HDX: variants seen among roughly 807,000 people sequenced by gnomAD.
HDX encodes the protein highly divergent homeobox.
In HDX, 19 loss-of-function variants were observed where a neutral mutation model predicts 45.2. The ratio of observed to expected loss-of-function variants is 0.42; its 90% CI spans 0.29 to 0.62. The LOEUF (loss-of-function observed/expected upper bound fraction) is 0.62, where lower values mean the gene tolerates loss of function less well. Among genes scored for constraint, HDX ranks in the 20% least tolerant of loss-of-function variants. The probability of loss-of-function intolerance (pLI) is 0.20; values close to 1 mark genes in which losing one functional copy is unlikely to be tolerated. For missense variants in HDX, 532 were observed against 493.9 expected (o/e 1.08, Z -0.73); for synonymous variants, 188 against 172.8 (o/e 1.09, Z -0.69).
chrX:84,337,465 T>A (rs1351368414), intron 7 of HDX, among the ~76,000 whole-genome samples: 2 of 111,639 alleles, frequency 1.8e-5, no homozygotes, highest in Non-Finnish European at 3.8e-5. Context: ...TTTTGCTTAT[T>A]TGTGTTTAAA....
At chrX:84,474,152 C>A (rs1474984913) in intron 3 of HDX, among the ~76,000 whole-genome samples, 2 of 111,555 alleles carry the variant, frequency 1.8e-5, no homozygotes, top group Admixed American at 1.9e-4. Context: ...ATTAGCCGGG[C>A]GTGGTGGCAG....
intron 6 of HDX, among the ~76,000 whole-genome samples, chrX:84,348,385 C>T (rs2037254529): frequency 9.0e-6 from 1 of 111,447 alleles, no homozygotes; most frequent in African/African-American, 3.3e-5. Context: ...CTACTTTTTC[C>T]ATTAGTGCCC....
intron 5 of HDX, among the ~76,000 whole-genome samples, chrX:84,420,581 G>A (rs985085959): frequency 1.8e-5 from 2 of 111,742 alleles, no homozygotes; most frequent in Admixed American, 9.5e-5. Flanking sequence ...TATTCAATGG[G>A]ACAATAACAG....
intron 5 of HDX, among the ~76,000 whole-genome samples, chrX:84,380,273 C>T (rs1226133003): frequency 9.1e-6 from 1 of 109,756 alleles, no homozygotes; most frequent in Non-Finnish European, 1.9e-5. Context: ...GGTTTCACTG[C>T]TCAATTTTGG....
chrX:84,487,440 C>T (rs1375184497), intron 2 of HDX, among the ~76,000 whole-genome samples: 1 of 112,093 alleles, frequency 8.9e-6, no homozygotes, highest in East Asian at 2.8e-4. Flanking sequence ...AGGCAATCTA[C>T]TATGTCAGAT....
chrX:84,489,595 A>G (rs2040856730), intron 1 of HDX, among the ~76,000 whole-genome samples: 2 of 111,523 alleles, frequency 1.8e-5, no homozygotes, highest in South Asian at 7.5e-4. Context: ...CTGATTTTAC[A>G]AAGAAAGAGT....
intron 5 of HDX, among the ~76,000 whole-genome samples, chrX:84,371,253 C>T (rs1332623042): frequency 4.5e-5 from 5 of 111,803 alleles, no homozygotes; most frequent in African/African-American, 1.3e-4. Context: ...AGCTTATTTT[C>T]ATTATGTTAA....
intron 9 of HDX, among the ~76,000 whole-genome samples, chrX:84,332,328 A>G (rs944686552): frequency 2.7e-5 from 3 of 111,953 alleles, no homozygotes; most frequent in African/African-American, 9.7e-5. Context: ...AAAATCCCTA[A>G]TGGGGTAGTG....
Position 84,321,885 on chromosome X carries a change from G to T in HDX, c.*4C>A. The T allele has an allele frequency of 8.4e-7, 1 of 1,187,619 alleles. No homozygotes were observed. The highest frequency in any genetic ancestry group is 1.8e-5 in the African/African-American group (1 of 56,796). The stretch of plus-strand genomic sequence containing the variant: ...ACTGTATCATATATTCCCTCCAACT[G>T]AAATCACAAACTTTCTGAGACATTT... On this transcript the variant is annotated 3_prime_UTR_variant, in exon 11 of 11. Coordinates refer to ENST00000373177, the MANE Select transcript of HDX (RefSeq NM_001177479.2).
Position 84,448,575 on chromosome X carries a change from A to G in HDX, c.1252-7990T>C, listed in dbSNP as rs146310245. Among the ~76,000 whole-genome samples, 17 of 111,137 alleles carry G rather than the reference A, an allele frequency of 1.5e-4. No homozygotes were observed. The East Asian group carries it at 4.3e-3, about 28-fold the overall frequency. On this transcript the variant is annotated intron_variant, in intron 4 of 10. Coordinates refer to ENST00000373177, the MANE Select transcript of HDX (RefSeq NM_001177479.2). ...GAGGAAATCATGCAAGGACTATGCT[A>G]ATGGACACACCGAGAATGAAAGCCA...
intron 4 of HDX, among the ~76,000 whole-genome samples, chrX:84,443,033 C>A (rs1245284400): frequency 6.3e-5 from 7 of 111,254 alleles, no homozygotes; most frequent in Non-Finnish European, 1.1e-4. Context: ...ACATAGTATG[C>A]AAATATTATA....
intron 4 of HDX, among the ~76,000 whole-genome samples, chrX:84,460,385 A>G (rs1350524640): frequency 8.9e-6 from 1 of 112,434 alleles, no homozygotes; most frequent in Non-Finnish European, 1.9e-5. Context: ...AGATGGTTAA[A>G]CTTATGCAAA....
chrX:84,474,456 G>A (rs1369208626), intron 3 of HDX, among the ~76,000 whole-genome samples: 2 of 111,643 alleles, frequency 1.8e-5, no homozygotes, highest in Non-Finnish European at 3.8e-5. Flanking sequence ...GGTCTTTGAA[G>A]GTACATCGAA....
chrX:84,351,213 G>A (rs952625077), intron 6 of HDX, among the ~76,000 whole-genome samples: 5 of 110,920 alleles, frequency 4.5e-5, no homozygotes, highest in African/African-American at 1.6e-4. Flanking sequence ...CCAATGAGGA[G>A]GAGGAAGGGC....
At chrX:84,367,810 A>G (rs879947743) in intron 5 of HDX, among the ~76,000 whole-genome samples, 1 of 111,507 alleles carries the variant, frequency 9.0e-6, no homozygotes, top group African/African-American at 3.3e-5. Flanking sequence ...ATGAGAACAC[A>G]TGGACACAGG....
intron 5 of HDX, among the ~76,000 whole-genome samples, chrX:84,428,638 T>A (rs1388602674): frequency 9.0e-6 from 1 of 111,244 alleles, no homozygotes; most frequent in Non-Finnish European, 1.9e-5. Flanking sequence ...TTTCCATAGA[T>A]GTATTTTAAC....
At chrX:84,333,270 T>A (rs749247603) in intron 9 of HDX, among the ~76,000 whole-genome samples, 1 of 111,522 alleles carries the variant, frequency 9.0e-6, no homozygotes, top group African/African-American at 3.2e-5. Flanking sequence ...ATAAATGACA[T>A]TAAGAAAAGG....
chrX:84,407,363 A>G (rs759190076), intron 5 of HDX, among the ~76,000 whole-genome samples: 2 of 111,317 alleles, frequency 1.8e-5, no homozygotes, highest in Admixed American at 1.9e-4. Flanking sequence ...CTCTAACTCC[A>G]TTCATGTTGG....
At position 84,344,467 on chromosome X, in the gene HDX, A is replaced by G; in HGVS notation, c.1453-10T>C. Reference sequence around the variant, plus strand: ...GATTCCCAATCCAAGTCTTTATAAGAGAAATATAGGAGGAATTTTTGTAAA... The same window carrying G: ...GATTCCCAATCCAAGTCTTTATAAGGGAAATATAGGAGGAATTTTTGTAAA... On this transcript the variant is annotated splice_polypyrimidine_tract_variant and intron_variant, in intron 6 of 10. Transcript: ENST00000373177. The G allele has an allele frequency of 8.7e-7, 1 of 1,152,258 alleles. No individual in the cohort carries two copies. Among genetic ancestry groups the G allele is most frequent in the Non-Finnish European group, 1.2e-6 (1 of 842,668 alleles). The allele number at this position is 1,152,258 out of a possible 1,213,427, so 95.0% of individuals were successfully genotyped here.
Sources: allele counts gnomAD v4.1 joint callset (sites outside exome capture counted in the v4.1 genomes callset), GRCh38; gene constraint gnomAD v4.1.1; transcripts MANE v1.5; gene names NCBI Gene and HGNC (gene_info 2026-07-23, HGNC 2026-07-21).